NDRG3: variants seen among roughly 807,000 people sequenced by gnomAD.
NDRG3 encodes NDRG family member 3, also known as protein NDRG3.
A neutral mutation model predicts 57.2 loss-of-function variants in NDRG3; 23 were observed. The observed-to-expected ratio is 0.40, with a 90% CI of 0.29 to 0.57. The LOEUF is 0.57. Among genes scored for constraint, NDRG3 ranks in the 20% least tolerant of loss-of-function variants. The probability of loss-of-function intolerance (pLI) is 0.42; values close to 1 mark genes in which losing one functional copy is unlikely to be tolerated. For synonymous variants in NDRG3, 132 were observed against 162.6 expected, an observed-to-expected ratio of 0.81 and a Z score of 1.43; for missense variants, 384 against 457.3, an observed-to-expected ratio of 0.84 and a Z score of 1.46.
chr20:36,732,496 G>A (rs897248027), intron 1 of NDRG3, among the ~76,000 whole-genome samples: 2 of 152,192 alleles, frequency 1.3e-5, no homozygotes, highest in African/African-American at 4.8e-5. Flanking sequence ...ACATAGCTCA[G>A]TGGTGCTGAG....
intron 3 of NDRG3, among the ~76,000 whole-genome samples, chr20:36,705,566 A>C (rs1207081921): frequency 1.3e-5 from 2 of 152,090 alleles, no homozygotes; most frequent in Non-Finnish European, 2.9e-5. Context: ...GGTTGGCTGA[A>C]TACTGGAAGC....
intron 10 of NDRG3, among the ~76,000 whole-genome samples, chr20:36,665,671 T>G (rs1979563143): frequency 6.6e-6 from 1 of 152,166 alleles, no homozygotes; most frequent in South Asian, 2.1e-4. Context: ...CGATCTCAGC[T>G]CACTGCAACC....
At chr20:36,720,613 T>C (rs530771484) in intron 2 of NDRG3, among the ~76,000 whole-genome samples, 2 of 152,290 alleles carry the variant, frequency 1.3e-5, no homozygotes, top group East Asian at 1.9e-4. Flanking sequence ...TGATGTCATA[T>C]TGACAGAAAG....
intron 2 of NDRG3, among the ~76,000 whole-genome samples, chr20:36,712,102 T>G (rs574461586): frequency 2.0e-5 from 3 of 152,110 alleles, no homozygotes; most frequent in East Asian, 1.9e-4. Flanking sequence ...TTTTGTTTTT[T>G]TTGTTGTTGT....
intron 2 of NDRG3, among the ~76,000 whole-genome samples, chr20:36,709,228 T>A (rs1568658343): frequency 6.6e-6 from 1 of 152,150 alleles, no homozygotes; most frequent in Non-Finnish European, 1.5e-5. Context: ...TCAGTTACAT[T>A]AGCCATATCT....
intron 8 of NDRG3, among the ~76,000 whole-genome samples, chr20:36,677,094 G>A (rs1459523384): frequency 1.3e-5 from 2 of 152,162 alleles, no homozygotes; most frequent in East Asian, 1.9e-4. Context: ...CTCTGGCTCC[G>A]GGAAGCGAGC....
At chr20:36,734,868 G>A (rs1328000885) in intron 1 of NDRG3, among the ~76,000 whole-genome samples, 3 of 152,090 alleles carry the variant, frequency 2.0e-5, no homozygotes, top group South Asian at 2.1e-4. Flanking sequence ...GGGTTACAGA[G>A]GTTTAGGGCA....
intron 9 of NDRG3, 64 bp downstream of exon 9, chr20:36,671,277 G>T: frequency 7.4e-7 from 1 of 1,346,686 alleles, no homozygotes; most frequent in Non-Finnish European, 1.1e-6. Context: ...TCTTTCCTAA[G>T]GTAAAATAAG....
chr20:36,725,236 G>T (rs373265959), intron 1 of NDRG3, among the ~76,000 whole-genome samples: 13 of 152,222 alleles, frequency 8.5e-5, no homozygotes, highest in African/African-American at 3.1e-4. Context: ...GGTGGAGGTT[G>T]CAGTAAGCTG....
At chr20:36,675,298 G>T (rs1317411290) in intron 8 of NDRG3, among the ~76,000 whole-genome samples, 2 of 149,726 alleles carry the variant, frequency 1.3e-5, no homozygotes, top group African/African-American at 4.9e-5. Flanking sequence ...GACCTCAGGT[G>T]ATCCATCTGC....
chr20:36,654,884 GAGTGCCA>G, intron 15 of NDRG3: 1 of 779,564 alleles, frequency 1.3e-6, no homozygotes, highest in South Asian at 1.3e-5. Flanking sequence ...AGTGACCCCA[GAGTGCCA>G]AGTGGCAACC....
At chr20:36,716,137 T>C (rs1984259674) in intron 2 of NDRG3, among the ~76,000 whole-genome samples, 1 of 151,708 alleles carries the variant, frequency 6.6e-6, no homozygotes, top group Non-Finnish European at 1.5e-5. Flanking sequence ...TTACAAAATG[T>C]TGTTCCCAGG....
intron 8 of NDRG3, among the ~76,000 whole-genome samples, chr20:36,676,468 T>C (rs1428054138): frequency 6.6e-6 from 1 of 152,160 alleles, no homozygotes; most frequent in African/African-American, 2.4e-5. Context: ...TTTTTTGTTT[T>C]GTTTTGTTTT....
chr20:36,701,697 G>A (rs1357765944), intron 3 of NDRG3, among the ~76,000 whole-genome samples: 7 of 151,470 alleles, frequency 4.6e-5, no homozygotes, highest in South Asian at 2.1e-4. Flanking sequence ...ACAGGCATGC[G>A]CCACCATGCC....
intron 1 of NDRG3, among the ~76,000 whole-genome samples, chr20:36,733,140 C>T (rs1161236518): frequency 6.3e-5 from 5 of 79,798 alleles, no homozygotes; most frequent in African/African-American, 2.1e-4. Flanking sequence ...GAACACGATC[C>T]TGTCTCAAAA....
intron 8 of NDRG3, among the ~76,000 whole-genome samples, chr20:36,680,277 G>T (rs1019476186): frequency 1.3e-5 from 2 of 151,692 alleles, no homozygotes; most frequent in African/African-American, 4.8e-5. Flanking sequence ...ACAAGGTCAG[G>T]AGTTCAAGAC....
chr20:36,738,822 C>CA lies in NDRG3; in HGVS notation c.-49+7222dup, dbSNP rs1158908616. Among the ~76,000 whole-genome samples the CA allele has an allele frequency of 8.8e-3, 722 of 81,746 alleles. 4 individuals carry two copies. The highest frequency in any genetic ancestry group is 0.022 in the African/African-American group (494 of 21,986). 53.6% of individuals were successfully genotyped at this position (81,746 alleles called of 152,430 possible). A position where few individuals can be genotyped will look rare whatever the true frequency, so the allele number is the denominator to read the frequency against. The stretch of plus-strand genomic sequence containing the variant: ...TGGACCACAGAGTAAAAAACTGTCT[C>CA]AAAAAAAAAAAAAAAAAGGAACCAG... On this transcript the variant is annotated intron_variant, in intron 1 of 15. Coordinates refer to ENST00000349004, the MANE Select transcript of NDRG3 (RefSeq NM_032013.4).
Position 36,744,973 on chromosome 20 carries a change from G to T in NDRG3, c.-49+1072C>A, listed in dbSNP as rs1002643191. Among the ~76,000 whole-genome samples the T allele has an allele frequency of 7.9e-5, 12 of 151,660 alleles. 1 individual carries two copies. Among genetic ancestry groups the T allele is most frequent in the Middle Eastern group, 6.8e-3 (2 of 294 alleles). ...TCCCCTGAGGGCCAGGGTAAGGGGG[G>T]GGGGGGGCGCGGCGGGGGTGATCTG... On this transcript the variant is annotated intron_variant, in intron 1 of 15. Transcript: ENST00000349004.
chr20:36,669,657 G>A lies in NDRG3; in HGVS notation c.588+1684C>T, dbSNP rs139480887. Among the ~76,000 whole-genome samples, 289 of 152,064 alleles carry A rather than the reference G, an allele frequency of 1.9e-3. 2 individuals carry two copies. The highest frequency in any genetic ancestry group is 6.5e-3 in the African/African-American group (271 of 41,466). On this transcript the variant is annotated intron_variant, in intron 9 of 15. Transcript: ENST00000349004. ...TGGGATTACAGGCGTGAGCCATGGC[G>A]CGCGGCCGATTTTTGAATTTTTATA...
Sources: allele counts gnomAD v4.1 joint callset (sites outside exome capture counted in the v4.1 genomes callset), GRCh38; gene constraint gnomAD v4.1.1; transcripts MANE v1.5; gene names NCBI Gene and HGNC (gene_info 2026-07-23, HGNC 2026-07-21).